The following DSCAM variants were observed in gnomAD, a reference collection of about 807,000 sequenced individuals.
DSCAM encodes the protein cell adhesion molecule DSCAM.
DSCAM carries 47 observed loss-of-function variants against 217.7 expected under a neutral mutation model. The observed-to-expected ratio is 0.22, with a 90% CI of 0.17 to 0.28. DSCAM has a LOEUF of 0.28. DSCAM is among the 10% of genes least tolerant of loss of function. DSCAM has a pLI of 1.00. For missense variants in DSCAM, 2,080 were observed against 2,618.3 expected, an observed-to-expected ratio of 0.79 and a Z score of 4.49; for synonymous variants, 1,056 against 1,015.3, an observed-to-expected ratio of 1.04 and a Z score of -0.76.
chr21:40,814,708 C>G (rs1169427771), intron 1 of DSCAM, among the ~76,000 whole-genome samples: 1 of 152,180 alleles, frequency 6.6e-6, no homozygotes, highest in Non-Finnish European at 1.5e-5. Context: ...ATGTGATTGA[C>G]TTGGAACCAC....
At chr21:40,513,862 C>A (rs2076279309) in intron 3 of DSCAM, among the ~76,000 whole-genome samples, 1 of 152,040 alleles carries the variant, frequency 6.6e-6, no homozygotes, top group African/African-American at 2.4e-5. Context: ...TATGTAACAA[C>A]AACAACAACA....
At chr21:40,831,057 C>T (rs558358379) in intron 1 of DSCAM, among the ~76,000 whole-genome samples, 175 of 152,226 alleles carry the variant, frequency 1.1e-3, no homozygotes, top group Non-Finnish European at 1.8e-3. Context: ...ACCAGCACCA[C>T]GCAGTGTGTA....
intron 19 of DSCAM, among the ~76,000 whole-genome samples, chr21:40,125,266 CCT>C (rs1316883071): frequency 6.6e-6 from 1 of 152,178 alleles, no homozygotes; most frequent in Non-Finnish European, 1.5e-5. Context: ...ATGTCCCACT[CCT>C]CTTGTTCTTT....
rs570193797 is a variant in DSCAM, at chr21:40,537,678, G to A, written c.508+155132C>T. Among the ~76,000 whole-genome samples, 3 of 152,270 alleles carry A rather than the reference G, an allele frequency of 2.0e-5. No individual in the cohort carries two copies. In the South Asian group the frequency reaches 6.2e-4, roughly 32 times the overall value. On this transcript the variant is annotated intron_variant, in intron 3 of 32. Coordinates refer to ENST00000400454, the MANE Select transcript of DSCAM (RefSeq NM_001389.5). ...TTGGACACAGACAGACACACAGAGA[G>A]AATGCCCTGAGATGATGAAGGCAGA...
intron 32 of DSCAM, among the ~76,000 whole-genome samples, chr21:40,031,393 G>A (rs563470128): frequency 8.5e-5 from 13 of 152,210 alleles, no homozygotes; most frequent in Admixed American, 2.0e-4. Context: ...TACGACACTC[G>A]TGTATTGAAT....
At chr21:40,594,557 A>G (rs2077007240) in intron 3 of DSCAM, among the ~76,000 whole-genome samples, 1 of 152,246 alleles carries the variant, frequency 6.6e-6, no homozygotes, top group Admixed American at 6.5e-5. Context: ...GCCATTAGTT[A>G]GCACAATATT....
chr21:40,706,323 C>A (rs984195106), intron 2 of DSCAM, among the ~76,000 whole-genome samples: 1 of 152,126 alleles, frequency 6.6e-6, no homozygotes, highest in Non-Finnish European at 1.5e-5. Context: ...GGGTAAGGAG[C>A]AATACTGTCT....
At chr21:40,143,785 C>T (rs1000753824) in intron 17 of DSCAM, among the ~76,000 whole-genome samples, 2 of 151,926 alleles carry the variant, frequency 1.3e-5, no homozygotes, top group African/African-American at 4.8e-5. Context: ...AGCCGGACTC[C>T]GTCTCAAAAA....
intron 11 of DSCAM, among the ~76,000 whole-genome samples, chr21:40,244,338 C>T (rs548619010): frequency 4.6e-5 from 7 of 151,758 alleles, no homozygotes; most frequent in Admixed American, 1.3e-4. Flanking sequence ...ATAATCCCAA[C>T]TACTTGGGAG....
At chr21:40,103,368 T>C (rs1382288948) in intron 20 of DSCAM, among the ~76,000 whole-genome samples, 1 of 152,204 alleles carries the variant, frequency 6.6e-6, no homozygotes, top group African/African-American at 2.4e-5. Flanking sequence ...AATTGATAGC[T>C]CTTTTAATTA....
intron 3 of DSCAM, chr21:40,621,158 A>C (rs1191029008): frequency 6.6e-6 from 1 of 152,232 alleles, no homozygotes; most frequent in Non-Finnish European, 1.5e-5. Context: ...GTGTGACTCT[A>C]AGCATATGTT....
intron 1 of DSCAM, among the ~76,000 whole-genome samples, chr21:40,737,740 A>C (rs1335142719): frequency 1.3e-5 from 2 of 152,192 alleles, no homozygotes; most frequent in African/African-American, 4.8e-5. Context: ...CAATCTCCGC[A>C]GGCAGAAAGA....
Position 40,751,334 on chromosome 21 carries a change from G to A in DSCAM, c.44-42563C>T, listed in dbSNP as rs185341453. On this transcript the variant is annotated intron_variant, in intron 1 of 32. Transcript: ENST00000400454. ...TAGTCTACATATTCATTTATCTGAT[G>A]CATTGCTCTCCCACACCCACTAGAA... Among the ~76,000 whole-genome samples, 353 of 152,252 alleles carry A rather than the reference G, an allele frequency of 2.3e-3. 2 individuals are homozygous for A. Among genetic ancestry groups the A allele is most frequent in the African/African-American group, 8.1e-3 (335 of 41,540 alleles).
intron 1 of DSCAM, among the ~76,000 whole-genome samples, chr21:40,841,544 G>A (rs1461699977): frequency 1.3e-5 from 2 of 152,232 alleles, no homozygotes; most frequent in South Asian, 2.1e-4. Context: ...CAGGGGAACA[G>A]GTGTTTTCCA....
intron 1 of DSCAM, among the ~76,000 whole-genome samples, chr21:40,821,162 T>C (rs1435707054): frequency 1.2e-5 from 1 of 81,410 alleles, no homozygotes; most frequent in African/African-American, 4.4e-5. Flanking sequence ...ACACTCTAAT[T>C]TCTTGAATCA....
At chr21:40,079,340 A>C (rs1002974891) in intron 25 of DSCAM, among the ~76,000 whole-genome samples, 1 of 152,198 alleles carries the variant, frequency 6.6e-6, no homozygotes, top group African/African-American at 2.4e-5. Context: ...AAGAGAAGAC[A>C]GAGTTGGATT....
At chr21:40,835,923 T>C (rs936031426) in intron 1 of DSCAM, among the ~76,000 whole-genome samples, 6 of 152,176 alleles carry the variant, frequency 3.9e-5, no homozygotes, top group Non-Finnish European at 8.8e-5. Flanking sequence ...GACATATACT[T>C]TGTATGGTAA....
intron 32 of DSCAM, among the ~76,000 whole-genome samples, chr21:40,018,229 A>G (rs988140688): frequency 2.0e-5 from 3 of 152,250 alleles, no homozygotes; most frequent in Non-Finnish European, 4.4e-5. Context: ...GTGAATCAAT[A>G]CACCTTAATT....
intron 30 of DSCAM, among the ~76,000 whole-genome samples, chr21:40,049,500 C>T (rs2146492526): frequency 6.6e-6 from 1 of 152,022 alleles, no homozygotes; most frequent in South Asian, 2.1e-4. Flanking sequence ...TGGCTTCATT[C>T]TCTTTCTGTC....
Sources: gnomAD v4.1 joint callset for allele counts (sites outside exome capture counted in the v4.1 genomes callset) on GRCh38, gnomAD v4.1.1 for gene constraint, MANE v1.5 for transcripts, NCBI Gene and HGNC (gene_info 2026-07-23, HGNC 2026-07-21) for gene names.